FHAD1: variants seen among roughly 807,000 people sequenced by gnomAD.
FHAD1 encodes the protein forkhead associated phosphopeptide binding domain 1.
FHAD1 carries 146 observed loss-of-function variants against 191.3 expected under a neutral mutation model. That is an observed-to-expected ratio of 0.76 (90% CI 0.67 to 0.88). The LOEUF (loss-of-function observed/expected upper bound fraction) is 0.88, where lower values mean the gene tolerates loss of function less well. Ranked by LOEUF, FHAD1 falls within the 40% of genes least tolerant of loss-of-function variation. The pLI is 0.00. For synonymous variants in FHAD1, 616 were observed against 672.3 expected (o/e 0.92, Z 1.29); for missense variants, 1,635 against 1,785.8 (o/e 0.92, Z 1.52).
At chr1:15,252,565 T>C (rs1646916755) in intron 2 of FHAD1, among the ~76,000 whole-genome samples, 1 of 152,208 alleles carries the variant, frequency 6.6e-6, no homozygotes, top group South Asian at 2.1e-4. Context: ...GCCCCACCTC[T>C]GGAGTCGAGT....
At chr1:15,317,607 A>G (rs1674897673) in intron 9 of FHAD1, among the ~76,000 whole-genome samples, 1 of 152,236 alleles carries the variant, frequency 6.6e-6, no homozygotes, top group African/African-American at 2.4e-5. Flanking sequence ...AATTTCCTTT[A>G]TCCAGAACTT....
intron 20 of FHAD1, among the ~76,000 whole-genome samples, chr1:15,353,704 CAAAAAAAA>C (rs60518389): frequency 1.3e-4 from 8 of 60,990 alleles, no homozygotes; most frequent in South Asian, 7.5e-4. Context: ...GACTCCATCT[CAAAAAAAA>C]AAAAAAAAAA....
In FHAD1 at chr1:15,358,126, A is replaced by G; in HGVS notation, c.2579A>G (p.Glu860Gly). The change falls in exon 21 of 34, where the codon GAG becomes GGG. Residue 860 changes from glutamate to glycine, a missense_variant. Transcript: ENST00000688493. ...TTTGTCTAGGAATTAGAATTAAAAG[A>G]GCAAAAAGAGGACGTTTTAAATAAT... ...TKQKEELELK[E>G]QKEDVLNNKL... is the part of the protein sequence containing the mutation. 2.6e-6 allele frequency: 4 copies of G among 1,511,084 alleles called. No homozygotes were observed. The highest frequency in any genetic ancestry group is 2.6e-6 in the Non-Finnish European group (3 of 1,136,602). The allele number at this position is 1,511,084 out of a possible 1,614,324, so 93.6% of individuals were successfully genotyped here. A position where few individuals can be genotyped will look rare whatever the true frequency, so the allele number is the denominator to read the frequency against.
At chr1:15,238,250 G>GAAAAAAAA (rs35058576) in intron 1 of FHAD1, among the ~76,000 whole-genome samples, 2 of 96,914 alleles carry the variant, frequency 2.1e-5, no homozygotes, top group African/African-American at 4.0e-5. Flanking sequence ...CCATCTCAAG[G>GAAAAAAAA]AAAAAAAAAA....
At chr1:15,375,769 G>A in intron 28 of FHAD1, 39 bp downstream of exon 28, 2 of 1,505,754 alleles carry the variant, frequency 1.3e-6, no homozygotes, top group Non-Finnish European at 1.8e-6. Context: ...ACTGGCATGT[G>A]GAGAGGAGGG....
intron 23 of FHAD1, 135 bp from the exon 24 acceptor site, chr1:15,365,692 C>A: frequency 1.7e-6 from 1 of 585,404 alleles, no homozygotes. Flanking sequence ...AGACTGTCCT[C>A]ATCCTTTGCT....
intron 3 of FHAD1, among the ~76,000 whole-genome samples, chr1:15,288,851 G>A (rs551405282): frequency 6.6e-5 from 10 of 152,280 alleles, no homozygotes; most frequent in South Asian, 6.2e-4. Context: ...TGACTCTTTC[G>A]GCAAGATGCC....
Position 15,311,096 on chromosome 1 carries a change from C to A in FHAD1, c.1040-1961C>A, listed in dbSNP as rs72864846. On this transcript the variant is annotated intron_variant, in intron 7 of 33. Transcript: ENST00000688493. The surrounding 1 kb of genome is among the most constrained non-coding windows in gnomAD (Gnocchi z 4.1). The stretch of plus-strand genomic sequence containing the variant: ...CAAACAAGATGAAATCTACGATTGC[C>A]CCCGGCTGGCTTGCGCTGGAGAGAG... Among the ~76,000 whole-genome samples, 289 of 152,266 alleles carry A rather than the reference C, an allele frequency of 1.9e-3. 1 individual carries two copies. Among genetic ancestry groups the A allele is most frequent in the African/African-American group, 6.5e-3 (269 of 41,550 alleles).
intron 3 of FHAD1, among the ~76,000 whole-genome samples, chr1:15,288,918 C>A (rs936582395): frequency 2.6e-5 from 4 of 152,206 alleles, no homozygotes; most frequent in African/African-American, 9.6e-5. Context: ...GTGGTCCAGG[C>A]AAGGACCCCC....
At chr1:15,272,637 G>C (rs552148625) in intron 3 of FHAD1, 108 bp downstream of exon 3, 9 of 958,326 alleles carry the variant, frequency 9.4e-6, no homozygotes, top group Non-Finnish European at 1.4e-5. Context: ...CACTGTGATC[G>C]CACGCTGCAC....
At chr1:15,350,296 A>G (rs892778953) in intron 19 of FHAD1, among the ~76,000 whole-genome samples, 1 of 152,230 alleles carries the variant, frequency 6.6e-6, no homozygotes. Flanking sequence ...GGGCGGCTCC[A>G]GGGCCACAAG....
intron 1 of FHAD1, among the ~76,000 whole-genome samples, chr1:15,240,680 C>T (rs1171308183): frequency 2.7e-5 from 4 of 150,384 alleles, no homozygotes; most frequent in Non-Finnish European, 3.0e-5. Context: ...CAGATCGGGC[C>T]GGGCGTGGTG....
At chr1:15,244,434 T>C (rs1445566820), upstream of FHAD1, among the ~76,000 whole-genome samples, 1 of 152,138 alleles carries the variant, frequency 6.6e-6, no homozygotes, top group African/African-American at 2.4e-5. The surrounding 1 kb of genome is among the most constrained non-coding windows in gnomAD (Gnocchi z 5.1). Context: ...TGGGTTTCAC[T>C]GGGGTCTGTC....
chr1:15,363,795 C>T lies in FHAD1; in HGVS notation c.3047+1069C>T, dbSNP rs149404979. 1.6e-3 allele frequency: 731 copies of T among 456,008 alleles called. 3 individuals are homozygous for T. Among genetic ancestry groups the T allele is most frequent in the African/African-American group, 0.013 (651 of 50,142 alleles). 28.2% of individuals were successfully genotyped at this position (456,008 alleles called of 1,614,324 possible). ...AACTGACAGTTTTCAGAGAAACAAA[C>T]GTATGAATGGGAAAGATCCAGAAAG... On this transcript the variant is annotated intron_variant, in intron 23 of 33. Transcript: ENST00000688493.
intron 3 of FHAD1, among the ~76,000 whole-genome samples, chr1:15,274,002 T>C (rs1313172854): frequency 2.0e-5 from 3 of 152,222 alleles, no homozygotes; most frequent in Non-Finnish European, 4.4e-5. Context: ...ATATTTGTCC[T>C]TTTGTGTCTA....
chr1:15,270,756 CTT>C (rs937545071), intron 2 of FHAD1, among the ~76,000 whole-genome samples: 3 of 152,008 alleles, frequency 2.0e-5, no homozygotes, highest in Admixed American at 6.6e-5. Flanking sequence ...AAGATGAAGA[CTT>C]TGGCCGGGCA....
chr1:15,368,209 A>G (rs1315342515), intron 25 of FHAD1, among the ~76,000 whole-genome samples: 2 of 151,870 alleles, frequency 1.3e-5, no homozygotes, highest in Admixed American at 6.6e-5. Flanking sequence ...CCTGACCTCA[A>G]GTGACTCACC....
At chr1:15,355,878 CA>C (rs34637530) in intron 20 of FHAD1, among the ~76,000 whole-genome samples, 53,265 of 134,770 alleles carry the variant, frequency 0.4, 10,801 homozygotes, top group South Asian at 0.51. Flanking sequence ...TTAATTTATT[CA>C]AAAAAAAGTG....
chr1:15,333,592 G>A (rs1393900304), intron 14 of FHAD1, among the ~76,000 whole-genome samples: 1 of 152,024 alleles, frequency 6.6e-6, no homozygotes, highest in Non-Finnish European at 1.5e-5. Context: ...GGTGATTTGA[G>A]GCACTTCATG....
Sources: gnomAD v4.1 joint callset for allele counts (sites outside exome capture counted in the v4.1 genomes callset) on GRCh38, gnomAD v4.1.1 for gene constraint, Gnocchi (gnomAD v3.1) non-coding constraint, MANE v1.5 for transcripts, NCBI Gene and HGNC (gene_info 2026-07-23, HGNC 2026-07-21) for gene names.